AGBL4: variants seen among roughly 807,000 people sequenced by gnomAD.
AGBL4 encodes AGBL carboxypeptidase 4, also known as cytosolic carboxypeptidase 6.
Under a neutral mutation model 66.4 loss-of-function variants are expected in AGBL4, and 58 were observed. The observed-to-expected ratio is 0.87, with a 90% CI of 0.71 to 1.09. The LOEUF (loss-of-function observed/expected upper bound fraction) is 1.09, where lower values mean the gene tolerates loss of function less well. AGBL4 is among the 50% of genes least tolerant of loss of function. The pLI, the probability that AGBL4 is intolerant of heterozygous loss-of-function variation, is 0.00. For missense variants in AGBL4, 579 were observed against 631.0 expected, an observed-to-expected ratio of 0.92 and a Z score of 0.88; for synonymous variants, 234 against 222.9, an observed-to-expected ratio of 1.05 and a Z score of -0.44.
chr1:48,730,518 GGA>G (rs753344172), intron 6 of AGBL4, among the ~76,000 whole-genome samples: 3 of 152,158 alleles, frequency 2.0e-5, no homozygotes, highest in Non-Finnish European at 4.4e-5. Flanking sequence ...GGAGAAGGCA[GGA>G]GAGTGGGTGT....
At chr1:48,853,109 C>T (rs141667194) in intron 6 of AGBL4, among the ~76,000 whole-genome samples, 1 of 152,284 alleles carries the variant, frequency 6.6e-6, no homozygotes, top group African/African-American at 2.4e-5. Context: ...GGATTAGTCA[C>T]TCTGAAGGAA....
chr1:48,620,115 T>C (rs1645387494), intron 9 of AGBL4, among the ~76,000 whole-genome samples: 1 of 152,076 alleles, frequency 6.6e-6, no homozygotes, highest in Admixed American at 6.5e-5. Context: ...CAGGAAACCC[T>C]ATGAAAGAAA....
At chr1:48,857,875 G>T (rs2148815763) in intron 6 of AGBL4, among the ~76,000 whole-genome samples, 1 of 152,222 alleles carries the variant, frequency 6.6e-6, no homozygotes, top group Middle Eastern at 3.4e-3. Context: ...CAATAAAGAA[G>T]TGAAAAGACA....
At chr1:49,259,820 A>G (rs1191097388) in intron 3 of AGBL4, among the ~76,000 whole-genome samples, 3 of 122,620 alleles carry the variant, frequency 2.4e-5, no homozygotes, top group African/African-American at 6.3e-5. Flanking sequence ...ATAGACATCT[A>G]CAGAACTCTC....
intron 1 of AGBL4, among the ~76,000 whole-genome samples, chr1:49,886,802 T>C (rs1464810321): frequency 1.3e-5 from 2 of 152,176 alleles, no homozygotes; most frequent in Non-Finnish European, 1.5e-5. Context: ...AACTGCATTC[T>C]GGTTCCCAAA....
At chr1:49,824,858 G>A (rs1188967139) in intron 2 of AGBL4, among the ~76,000 whole-genome samples, 2 of 152,194 alleles carry the variant, frequency 1.3e-5, no homozygotes, top group East Asian at 1.9e-4. Context: ...CATAAGATGC[G>A]TGGGCTTCAT....
At chr1:49,599,742 G>C (rs1439561772) in intron 3 of AGBL4, among the ~76,000 whole-genome samples, 5 of 152,056 alleles carry the variant, frequency 3.3e-5, no homozygotes, top group Non-Finnish European at 7.4e-5. Context: ...TTTCTCCTGT[G>C]GGCATTTAGT....
At chr1:48,728,513 G>T (rs1243796659) in intron 6 of AGBL4, among the ~76,000 whole-genome samples, 3 of 132,656 alleles carry the variant, frequency 2.3e-5, no homozygotes, top group Non-Finnish European at 1.6e-5. Flanking sequence ...AAATGTTATA[G>T]TTTTGAGATT....
At chr1:49,550,538 T>G (rs1571007525) in intron 3 of AGBL4, among the ~76,000 whole-genome samples, 1 of 152,192 alleles carries the variant, frequency 6.6e-6, no homozygotes, top group African/African-American at 2.4e-5. Context: ...TGAAAAAGAC[T>G]GTATCTTTCC....
chr1:49,117,239 C>G (rs934401329), intron 4 of AGBL4, among the ~76,000 whole-genome samples: 1 of 152,120 alleles, frequency 6.6e-6, no homozygotes, highest in Non-Finnish European at 1.5e-5. Flanking sequence ...TCCCATTTGT[C>G]TATTTTAGCT....
intron 4 of AGBL4, among the ~76,000 whole-genome samples, chr1:49,174,606 A>AC (rs748337767): frequency 2.3e-4 from 35 of 152,258 alleles, no homozygotes; most frequent in Admixed American, 6.5e-4. Context: ...TGTATATTCC[A>AC]CTGTGCTCCT....
intron 5 of AGBL4, among the ~76,000 whole-genome samples, chr1:49,013,954 T>C (rs896546023): frequency 3.9e-5 from 6 of 152,214 alleles, no homozygotes; most frequent in African/African-American, 1.4e-4. Context: ...TCCTCTTTTA[T>C]ATTATATTGT....
chr1:48,807,610 C>G (rs1319276468), intron 6 of AGBL4, among the ~76,000 whole-genome samples: 2 of 152,204 alleles, frequency 1.3e-5, no homozygotes, highest in African/African-American at 4.8e-5. Context: ...ATCTGCTCTT[C>G]TCCTCTGCTT....
At chr1:49,682,524 T>C (rs1175958399) in intron 3 of AGBL4, among the ~76,000 whole-genome samples, 1 of 152,238 alleles carries the variant, frequency 6.6e-6, no homozygotes, top group Non-Finnish European at 1.5e-5. Context: ...TGATGCTTAT[T>C]CAATGTAGGT....
intron 6 of AGBL4, among the ~76,000 whole-genome samples, chr1:48,791,736 T>C (rs1645556396): frequency 6.6e-6 from 1 of 152,202 alleles, no homozygotes; most frequent in African/African-American, 2.4e-5. Context: ...AATTAGGGCA[T>C]TTGATACAAT....
intron 1 of AGBL4, among the ~76,000 whole-genome samples, chr1:49,897,498 A>G (rs1446087089): frequency 2.0e-5 from 3 of 152,088 alleles, no homozygotes; most frequent in Non-Finnish European, 2.9e-5. Flanking sequence ...CATGCATTGG[A>G]AGAATCAATA....
At chr1:49,606,525 A>G (rs1645066295) in intron 3 of AGBL4, among the ~76,000 whole-genome samples, 1 of 152,086 alleles carries the variant, frequency 6.6e-6, no homozygotes, top group African/African-American at 2.4e-5. Flanking sequence ...GGTCACAGAA[A>G]TATGGCCTGA....
Position 49,415,302 on chromosome 1 carries a change from C to T in AGBL4, c.283-169438G>A, listed in dbSNP as rs369994544. Among the ~76,000 whole-genome samples the T allele has an allele frequency of 1.6e-3, 238 of 152,192 alleles. 1 individual carries two copies. The highest frequency in any genetic ancestry group is 4.9e-3 in the African/African-American group (203 of 41,544). ...TTATATCAGATAATGCAGCACCTAG[C>T]AGAGTGGTGCAACAATGTTAATTGA... On this transcript the variant is annotated intron_variant, in intron 3 of 13. Coordinates refer to ENST00000371839, the MANE Select transcript of AGBL4 (RefSeq NM_032785.4).
At chr1:49,968,339 A>T (rs2148356843) in intron 1 of AGBL4, among the ~76,000 whole-genome samples, 1 of 152,260 alleles carries the variant, frequency 6.6e-6, no homozygotes, top group South Asian at 2.1e-4. Flanking sequence ...ACATACACAA[A>T]TGCAATGATT....
Sources: allele counts gnomAD v4.1 joint callset (sites outside exome capture counted in the v4.1 genomes callset), GRCh38; gene constraint gnomAD v4.1.1; transcripts MANE v1.5; gene names NCBI Gene and HGNC (gene_info 2026-07-23, HGNC 2026-07-21).